The following SSX2IP variants were observed in gnomAD, a reference collection of about 807,000 sequenced individuals.
SSX2IP encodes the protein afadin- and alpha-actinin-binding protein.
A neutral mutation model predicts 84.9 loss-of-function variants in SSX2IP; 55 were observed. The observed-to-expected ratio is 0.65, with a 90% CI of 0.52 to 0.81. The LOEUF is 0.81. SSX2IP is among the 30% of genes least tolerant of loss of function. The pLI, the probability that SSX2IP is intolerant of heterozygous loss-of-function variation, is 0.00. For missense variants in SSX2IP, 664 were observed against 705.2 expected (o/e 0.94, Z 0.66); for synonymous variants, 239 against 234.7 (o/e 1.02, Z -0.17).
At chr1:84,677,174 C>A (rs906065961) in intron 1 of SSX2IP, among the ~76,000 whole-genome samples, 1 of 152,096 alleles carries the variant, frequency 6.6e-6, no homozygotes, top group Non-Finnish European at 1.5e-5. Flanking sequence ...TAAAATGAGT[C>A]CATTCAGAGC....
At chr1:84,688,732 T>C (rs1414925444) in intron 1 of SSX2IP, among the ~76,000 whole-genome samples, 1 of 152,218 alleles carries the variant, frequency 6.6e-6, no homozygotes, top group Non-Finnish European at 1.5e-5. Context: ...TTAACAAGTC[T>C]TGTCACAAGG....
chr1:84,656,874 AATC>A (rs781016347), intron 9 of SSX2IP, among the ~76,000 whole-genome samples: 1 of 152,194 alleles, frequency 6.6e-6, no homozygotes, highest in South Asian at 2.1e-4. Context: ...AGAAAAATAA[AATC>A]ATGTTTTTGT....
chr1:84,671,973 G>T (rs936389393), intron 1 of SSX2IP, among the ~76,000 whole-genome samples: 4 of 152,080 alleles, frequency 2.6e-5, no homozygotes, highest in African/African-American at 9.7e-5. Context: ...TTCCATAGAA[G>T]AATGAGTAAA....
At chr1:84,690,716 T>A (rs1026661606), upstream of SSX2IP, 1 of 152,264 alleles carries the variant, frequency 6.6e-6, no homozygotes, top group Non-Finnish European at 1.5e-5. Context: ...ATCCCTGCGG[T>A]CCGCGCGCGC....
chr1:84,660,899 A>C (rs1651863794), intron 8 of SSX2IP, among the ~76,000 whole-genome samples: 1 of 146,974 alleles, frequency 6.8e-6, no homozygotes, highest in African/African-American at 2.5e-5. Context: ...AAAATACAAA[A>C]AAAAAAAAAA....
At chr1:84,690,535 G>A (rs1348744830), upstream of SSX2IP, 1 of 151,982 alleles carries the variant, frequency 6.6e-6, no homozygotes, top group Non-Finnish European at 1.5e-5. Flanking sequence ...GGCCTCCGCA[G>A]GTTTCCGAGG....
chr1:84,663,562 A>T (rs1652342715), intron 6 of SSX2IP, among the ~76,000 whole-genome samples: 2 of 152,216 alleles, frequency 1.3e-5, no homozygotes, highest in Non-Finnish European at 2.9e-5. Flanking sequence ...TACCTCCAAC[A>T]GCTCTGCTGC....
intron 4 of SSX2IP, 86 bp from the exon 5 acceptor site, chr1:84,666,318 T>C (rs1335168762): frequency 3.1e-6 from 3 of 959,916 alleles, no homozygotes; most frequent in Non-Finnish European, 4.9e-6. Context: ...CAAGAAGTTA[T>C]ACATCCTAGT....
chr1:84,651,770 A>C, intron 12 of SSX2IP, 113 bp downstream of exon 12: 1 of 637,154 alleles, frequency 1.6e-6, no homozygotes, highest in East Asian at 2.8e-5. Flanking sequence ...ATAATTAGAG[A>C]GCTCTAATTG....
At chr1:84,655,012 C>T (rs1381451107) in intron 11 of SSX2IP, among the ~76,000 whole-genome samples, 1 of 149,718 alleles carries the variant, frequency 6.7e-6, no homozygotes, top group Non-Finnish European at 1.5e-5. Flanking sequence ...TTCCTTAAAG[C>T]AAAAAAAAGG....
intron 1 of SSX2IP, among the ~76,000 whole-genome samples, chr1:84,673,000 G>A (rs1190339197): frequency 1.3e-5 from 2 of 152,088 alleles, no homozygotes; most frequent in Non-Finnish European, 2.9e-5. Context: ...CTCCAGCCTG[G>A]GCGACAGAGA....
chr1:84,680,987 A>G (rs1197650107), intron 1 of SSX2IP, among the ~76,000 whole-genome samples: 1 of 152,140 alleles, frequency 6.6e-6, no homozygotes. Flanking sequence ...GTAGAATGGC[A>G]TGAGTGATAA....
At chr1:84,658,212 T>G (rs1387825968) in intron 9 of SSX2IP, 106 bp downstream of exon 9, 5 of 1,222,422 alleles carry the variant, frequency 4.1e-6, no homozygotes, top group Non-Finnish European at 5.8e-6. Flanking sequence ...CAAACTGAAG[T>G]ATAGTACTTT....
chr1:84,659,667 G>A (rs994518099), intron 8 of SSX2IP, among the ~76,000 whole-genome samples: 3 of 151,748 alleles, frequency 2.0e-5, no homozygotes, highest in Non-Finnish European at 2.9e-5. Flanking sequence ...GCGTGGTGGT[G>A]CATGCCTGTA....
intron 2 of SSX2IP, 101 bp from the exon 3 acceptor site, chr1:84,670,916 A>C: frequency 2.3e-6 from 2 of 875,734 alleles, no homozygotes; most frequent in Non-Finnish European, 3.4e-6. Context: ...ATATACATAT[A>C]AACATAGATA....
chr1:84,651,693 A>C (rs1650271013), intron 12 of SSX2IP, among the ~76,000 whole-genome samples, 190 bp downstream of exon 12: 1 of 152,186 alleles, frequency 6.6e-6, no homozygotes, highest in South Asian at 2.1e-4. Flanking sequence ...ACGTCACTGC[A>C]CTCCAACCTG....
In SSX2IP at chr1:84,688,371, T is replaced by TA. The variant is rs111406773; in HGVS notation, c.-90+1999dup. 1.2e-3 allele frequency among the ~76,000 whole-genome samples: 186 copies of TA among 152,302 alleles called. 1 individual carries two copies. Among genetic ancestry groups the TA allele is most frequent in the African/African-American group, 4.1e-3 (171 of 41,568 alleles). On this transcript the variant is annotated intron_variant, in intron 1 of 13. Transcript: ENST00000342203. ...CGTCATGAGCAAATGGTGAAACCAG[T>TA]AAGGCATATTCACAGCTATTGTAAA...
intron 11 of SSX2IP, 82 bp downstream of exon 11, chr1:84,655,749 GA>G: frequency 2.7e-6 from 4 of 1,488,682 alleles, no homozygotes; most frequent in South Asian, 1.4e-5. Context: ...TAAATAGCAA[GA>G]AAAAAAGGAG....
chr1:84,653,764 T>C lies in SSX2IP; in HGVS notation c.1390-1767A>G, dbSNP rs76561199. On this transcript the variant is annotated intron_variant, in intron 11 of 13. Transcript: ENST00000342203. ...ATACAGAATCACGCATCACCAAACA[T>C]TGAGAAAACTAATATAGAAAAAAGG... Among the ~76,000 whole-genome samples the C allele has an allele frequency of 1.8e-3, 275 of 152,074 alleles. 1 individual carries two copies. Among genetic ancestry groups the C allele is most frequent in the East Asian group, 8.1e-3 (42 of 5,174 alleles).
Sources: allele counts gnomAD v4.1 joint callset (sites outside exome capture counted in the v4.1 genomes callset), GRCh38; gene constraint gnomAD v4.1.1; transcripts MANE v1.5; gene names NCBI Gene and HGNC (gene_info 2026-07-23, HGNC 2026-07-21).